RBM44: variants seen among roughly 807,000 people sequenced by gnomAD.
The protein encoded by RBM44 is RNA binding motif protein 44, also known as RNA-binding protein 44.
RBM44 carries 66 observed loss-of-function variants against 105.1 expected under a neutral mutation model. The ratio of observed to expected loss-of-function variants is 0.63; its 90% confidence interval spans 0.52 to 0.77. RBM44 has a LOEUF of 0.77. Among genes scored for constraint, RBM44 ranks in the 30% least tolerant of loss-of-function variants. RBM44 has a pLI of 0.00. For synonymous variants in RBM44, 365 were observed against 417.6 expected (o/e 0.87, Z 1.54); for missense variants, 1,122 against 1,207.8 (o/e 0.93, Z 1.05).
chr2:237,801,313 C>T (rs574056300), intron 1 of RBM44, among the ~76,000 whole-genome samples: 10 of 152,208 alleles, frequency 6.6e-5, no homozygotes, highest in South Asian at 2.1e-4. Flanking sequence ...TGGGCAACAG[C>T]GTGAGACCCT....
intron 2 of RBM44, 111 bp downstream of exon 2, chr2:237,813,793 G>C: frequency 1.4e-6 from 1 of 693,022 alleles, no homozygotes; most frequent in Non-Finnish European, 2.6e-6. Context: ...CTCCCTCTAA[G>C]GTGGTAAGAC....
chr2:237,817,911 T>C lies in RBM44; in HGVS notation c.992T>C (p.Met331Thr). 2 of 1,598,590 alleles carry C rather than the reference T, an allele frequency of 1.3e-6. No individual in the cohort carries two copies. Among genetic ancestry groups the C allele is most frequent in the African/African-American group, 1.4e-5 (1 of 73,740 alleles). The change falls in exon 3 of 16, where the codon ATG (methionine) becomes ACG (threonine). Residue 331 changes from methionine to threonine, a missense_variant. Coordinates refer to ENST00000316997, the MANE Select transcript of RBM44 (RefSeq NM_001080504.3). ...VLKMKIYTENMKSQINEGKDF... is the reference protein window; with the variant it reads ...VLKMKIYTENTKSQINEGKDF... ...AAAATGAAAATTTATACTGAAAACA[T>C]GAAATCTCAAATAAATGAAGGTAAA...
chr2:237,802,526 G>A (rs956854867), intron 1 of RBM44, among the ~76,000 whole-genome samples: 1 of 152,170 alleles, frequency 6.6e-6, no homozygotes, highest in African/African-American at 2.4e-5. Context: ...TTGTCCTCGA[G>A]TATTGTTTCT....
intron 15 of RBM44, among the ~76,000 whole-genome samples, chr2:237,838,236 C>G (rs1447018068): frequency 6.6e-6 from 1 of 152,166 alleles, no homozygotes; most frequent in African/African-American, 2.4e-5. Flanking sequence ...ACAGCTGACT[C>G]GCAACAGAAG....
intron 1 of RBM44, among the ~76,000 whole-genome samples, chr2:237,805,941 C>A (rs539247824): frequency 6.6e-6 from 1 of 152,242 alleles, no homozygotes; most frequent in African/African-American, 2.4e-5. Context: ...GATGGCACCA[C>A]TTTACTCCAG....
chr2:237,833,507 A>C (rs1485085762), intron 13 of RBM44, among the ~76,000 whole-genome samples: 2 of 152,230 alleles, frequency 1.3e-5, no homozygotes, highest in East Asian at 1.9e-4. Context: ...ATTTGTATTC[A>C]TTACATACAG....
At chr2:237,821,674 A>G (rs62196084) in intron 7 of RBM44, 69 bp from the exon 8 acceptor site, 165,724 of 1,048,270 alleles carry the variant, frequency 0.16, 15,767 homozygotes, top group East Asian at 0.43. Context: ...TATACATTGT[A>G]GTTAACTATA....
intron 1 of RBM44, among the ~76,000 whole-genome samples, chr2:237,809,864 C>T (rs2117366): frequency 0.16 from 24,711 of 152,088 alleles, 2,179 homozygotes; most frequent in Middle Eastern, 0.29. Context: ...CCCAGGAGTT[C>T]GGGGCTGCAG....
At chr2:237,821,602 G>A in intron 7 of RBM44, 141 bp from the exon 8 acceptor site, 1 of 705,546 alleles carries the variant, frequency 1.4e-6, no homozygotes, top group Non-Finnish European at 2.4e-6. Flanking sequence ...CCATCACCTT[G>A]TGTATTTGTC....
In RBM44 at chr2:237,821,254, G is replaced by A. The variant is rs1358128424; in HGVS notation, c.2097G>A (p.Arg699=). Residue 699 remains arginine, a splice_region_variant and synonymous_variant, in exon 6 of 16, where the codon AGG becomes AGA. Coordinates refer to ENST00000316997, the MANE Select transcript of RBM44 (RefSeq NM_001080504.3). ...LLSTFSTFAS[R]LMKKETHVFS... is the part of the protein sequence containing the mutation. ...CTACCTTCTCTACTTTTGCTTCCAG[G>A]GTATGTATATATGTTTTAGAAATAA... 2 of 1,588,998 alleles carry A rather than the reference G, an allele frequency of 1.3e-6. No homozygotes were observed. The highest frequency in any genetic ancestry group is 1.1e-5 in the South Asian group (1 of 87,900).
chr2:237,808,992 T>C (rs1437013006), intron 1 of RBM44, among the ~76,000 whole-genome samples: 2 of 152,200 alleles, frequency 1.3e-5, no homozygotes, highest in Admixed American at 6.5e-5. Flanking sequence ...AAGGAATATG[T>C]ACCCAACATT....
chr2:237,827,816 C>T (rs116186366), intron 12 of RBM44, among the ~76,000 whole-genome samples: 30 of 152,190 alleles, frequency 2.0e-4, no homozygotes, highest in African/African-American at 7.0e-4. Flanking sequence ...GAACGGCTTC[C>T]AGAAATAGAT....
At chr2:237,820,705 T>C (rs1388374581) in intron 5 of RBM44, 2 of 230,364 alleles carry the variant, frequency 8.7e-6, no homozygotes, top group Non-Finnish European at 1.7e-5. Context: ...GTTCATTTTT[T>C]TCTTTTACTC....
intron 1 of RBM44, among the ~76,000 whole-genome samples, chr2:237,802,210 T>C (rs2061552343): frequency 6.6e-6 from 1 of 152,174 alleles, no homozygotes; most frequent in Admixed American, 6.5e-5. Flanking sequence ...CCATACCACC[T>C]TGTGTTTCTC....
chr2:237,814,650 A>G (rs1489640975), intron 2 of RBM44, among the ~76,000 whole-genome samples: 1 of 152,212 alleles, frequency 6.6e-6, no homozygotes, highest in Non-Finnish European at 1.5e-5. Flanking sequence ...ATACAAAAAG[A>G]TAATAGGTTA....
Position 237,814,528 on chromosome 2 carries a change from CTT to C in RBM44, c.73+847_73+848del, listed in dbSNP as rs1277626147. Among the ~76,000 whole-genome samples, 4 of 151,720 alleles carry C rather than the reference CTT, an allele frequency of 2.6e-5. No individual in the cohort carries two copies. In the East Asian group the frequency reaches 7.7e-4, roughly 29 times the overall value. On this transcript the variant is annotated intron_variant, in intron 2 of 15. Coordinates refer to ENST00000316997, the MANE Select transcript of RBM44 (RefSeq NM_001080504.3). ...TTCAAAATGGTCCCCCAAAAATAAACTTAAAAAAATCTATTGAAGAGAAGGTA... is the reference window on the plus strand; with the variant it reads ...TTCAAAATGGTCCCCCAAAAATAAACAAAAAAATCTATTGAAGAGAAGGTA...
intron 13 of RBM44, among the ~76,000 whole-genome samples, chr2:237,831,836 G>C (rs1474345337): frequency 1.3e-5 from 2 of 152,038 alleles, no homozygotes; most frequent in African/African-American, 4.8e-5. Context: ...TTCATGTGTG[G>C]GATTGATTTG....
In RBM44 at chr2:237,829,250, TG is replaced by T; in HGVS notation, c.2635del (p.Ala879GlnfsTer3). On this transcript the variant is annotated frameshift_variant, in exon 13 of 16. Coordinates refer to ENST00000316997, the MANE Select transcript of RBM44 (RefSeq NM_001080504.3). LOFTEE classifies it high-confidence loss of function. ...CTCTTGCTTTTACAAAAAACAGCGATGCAAAGATAGCTGTGAAAGAAATGAA... is the reference window on the plus strand; with the variant it reads ...CTCTTGCTTTTACAAAAAACAGCGATCAAAGATAGCTGTGAAAGAAATGAA... ...ASLAFTKNSD[A>X]KIAVKEMNGI... 6.2e-7 allele frequency: 1 copy of T among 1,612,510 alleles called. No individual in the cohort carries two copies. The highest frequency in any genetic ancestry group is 8.5e-7 in the Non-Finnish European group (1 of 1,179,220).
chr2:237,814,728 A>G (rs2061695831), intron 2 of RBM44, among the ~76,000 whole-genome samples: 1 of 152,186 alleles, frequency 6.6e-6, no homozygotes, highest in Non-Finnish European at 1.5e-5. Flanking sequence ...ACTTCAGAAT[A>G]TGATAAAGAT....
Sources: gnomAD v4.1 joint callset for allele counts (sites outside exome capture counted in the v4.1 genomes callset) on GRCh38, gnomAD v4.1.1 for gene constraint, MANE v1.5 for transcripts, NCBI Gene and HGNC (gene_info 2026-07-23, HGNC 2026-07-21) for gene names.